GTF2H1: variants seen among roughly 807,000 people sequenced by gnomAD.
GTF2H1 encodes the protein BTF2 p62.
In GTF2H1, 16 loss-of-function variants were observed where a neutral mutation model predicts 71.2. The observed-to-expected ratio is 0.22, with a 90% confidence interval of 0.15 to 0.34. The LOEUF (loss-of-function observed/expected upper bound fraction) is 0.34, where lower values mean the gene tolerates loss of function less well. GTF2H1 is among the 10% of genes least tolerant of loss of function. The probability of loss-of-function intolerance (pLI) is 1.00; values close to 1 mark genes in which losing one functional copy is unlikely to be tolerated. For synonymous variants in GTF2H1, 215 were observed against 219.0 expected, an observed-to-expected ratio of 0.98 and a Z score of 0.16; for missense variants, 498 against 648.2, an observed-to-expected ratio of 0.77 and a Z score of 2.52.
At chr11:18,351,083 A>G (rs1262975186) in intron 9 of GTF2H1, among the ~76,000 whole-genome samples, 2 of 152,178 alleles carry the variant, frequency 1.3e-5, no homozygotes, top group African/African-American at 4.8e-5. Context: ...TAGATTCCCT[A>G]TTTTACTCCT....
intron 14 of GTF2H1, among the ~76,000 whole-genome samples, chr11:18,363,343 C>G (rs1050873658): frequency 6.6e-6 from 1 of 152,056 alleles, no homozygotes; most frequent in Non-Finnish European, 1.5e-5. Context: ...ACATGCTATA[C>G]TTTTATACAG....
intron 9 of GTF2H1, among the ~76,000 whole-genome samples, chr11:18,351,044 A>G (rs1865409029): frequency 6.6e-6 from 1 of 152,196 alleles, no homozygotes; most frequent in Non-Finnish European, 1.5e-5. Context: ...TGTTAGAAGC[A>G]CTGATTGATA....
chr11:18,359,301 G>A lies in GTF2H1; in HGVS notation c.1467+661G>A, dbSNP rs545947476. Among the ~76,000 whole-genome samples, 99 of 152,236 alleles carry A rather than the reference G, an allele frequency of 6.5e-4. 1 individual carries two copies. The highest frequency in any genetic ancestry group is 1.4e-3 in the Admixed American group (21 of 15,268). On this transcript the variant is annotated intron_variant, in intron 13 of 14. Coordinates refer to ENST00000265963, the MANE Select transcript of GTF2H1 (RefSeq NM_005316.4). ...ACACCTGTAATCCCAACACTTTGGC[G>A]GGGCTGAGGCGGGAGAATTGTTTGA... is the stretch of plus-strand genomic sequence containing the variant.
chr11:18,360,143 A>G (rs996283499), intron 13 of GTF2H1, among the ~76,000 whole-genome samples: 2 of 150,494 alleles, frequency 1.3e-5, no homozygotes, highest in Non-Finnish European at 3.0e-5. Flanking sequence ...TTGTTTTTTG[A>G]GATGGAGTCT....
At chr11:18,331,666 CAA>C (rs539656994) in intron 1 of GTF2H1, among the ~76,000 whole-genome samples, 1 of 146,456 alleles carries the variant, frequency 6.8e-6, no homozygotes, top group Admixed American at 6.8e-5. Flanking sequence ...AACTCCGTCT[CAA>C]AAAAAAAGAG....
intron 14 of GTF2H1, among the ~76,000 whole-genome samples, chr11:18,362,506 T>G (rs750408555): frequency 2.6e-5 from 4 of 152,128 alleles, no homozygotes; most frequent in African/African-American, 4.8e-5. Context: ...CTTTTAAATA[T>G]TTTTAAAGTT....
rs186419586 is a variant in GTF2H1 at position 18,329,887 on chromosome 11, A to G, written c.-15-3173A>G. On this transcript the variant is annotated intron_variant, in intron 1 of 14. Coordinates refer to ENST00000265963, the MANE Select transcript of GTF2H1 (RefSeq NM_005316.4). Reference sequence around the variant, plus strand: ...CATGTTAAGCAAAAAACTAGAGACAAAAGGAGTACATACTGTATGATTCCT... The same window carrying G: ...CATGTTAAGCAAAAAACTAGAGACAGAAGGAGTACATACTGTATGATTCCT... Among the ~76,000 whole-genome samples, 340 of 152,364 alleles carry G rather than the reference A, an allele frequency of 2.2e-3. 1 individual carries two copies. Among genetic ancestry groups the G allele is most frequent in the African/African-American group, 7.4e-3 (306 of 41,578 alleles).
At chr11:18,336,048 GT>G in intron 3 of GTF2H1, 102 bp downstream of exon 3, 1 of 819,720 alleles carries the variant, frequency 1.2e-6, no homozygotes, top group East Asian at 2.8e-5. Context: ...TTCGGTTTTG[GT>G]TTTGGTTTTT....
chr11:18,347,779 G>A (rs1226498227), intron 8 of GTF2H1, 53 bp from the exon 9 acceptor site: 2 of 1,595,878 alleles, frequency 1.3e-6, no homozygotes, highest in African/African-American at 2.7e-5. Context: ...GAGTTGTGGT[G>A]TTGTTTTGCT....
At chr11:18,327,988 A>C (rs956966272) in intron 1 of GTF2H1, among the ~76,000 whole-genome samples, 4 of 151,338 alleles carry the variant, frequency 2.6e-5, no homozygotes, top group African/African-American at 9.7e-5. Flanking sequence ...GCGGGGGATC[A>C]CTAGGTCAGT....
At chr11:18,356,163 C>A (rs1326014849) in intron 11 of GTF2H1, among the ~76,000 whole-genome samples, 1 of 152,042 alleles carries the variant, frequency 6.6e-6, no homozygotes. Context: ...GCACGCAGAT[C>A]ACTTGAGAGC....
chr11:18,337,886 T>C (rs1022296487), intron 3 of GTF2H1, among the ~76,000 whole-genome samples: 15 of 152,212 alleles, frequency 9.9e-5, no homozygotes, highest in Non-Finnish European at 1.8e-4. Flanking sequence ...ATCTTTCCTT[T>C]ACACCTACCT....
chr11:18,348,149 T>G (rs1189052077), intron 9 of GTF2H1: 1 of 580,294 alleles, frequency 1.7e-6, no homozygotes, highest in East Asian at 2.8e-5. Flanking sequence ...TTTTGTTTGT[T>G]TGTTTGTTTG....
intron 2 of GTF2H1, among the ~76,000 whole-genome samples, chr11:18,334,269 C>T (rs1590183805): frequency 6.6e-6 from 1 of 152,052 alleles, no homozygotes; most frequent in Non-Finnish European, 1.5e-5. Flanking sequence ...AGTCCCAGCT[C>T]CTCGGGAGCC....
At chr11:18,352,782 C>G (rs943351232) in intron 11 of GTF2H1, among the ~76,000 whole-genome samples, 1 of 152,186 alleles carries the variant, frequency 6.6e-6, no homozygotes, top group Non-Finnish European at 1.5e-5. Flanking sequence ...ATATGTAAAA[C>G]AGCTCATCAT....
intron 1 of GTF2H1, chr11:18,325,871 C>T (rs183993832): frequency 6.6e-6 from 1 of 152,302 alleles, no homozygotes; most frequent in African/African-American, 2.4e-5. Flanking sequence ...TTTAGTAAAG[C>T]GAGATCTTCA....
chr11:18,366,053 A>C lies in GTF2H1; in HGVS notation c.*184A>C. 1.7e-6 allele frequency: 1 copy of C among 588,504 alleles called. No homozygotes were observed. 36.5% of individuals were successfully genotyped at this position (588,504 alleles called of 1,614,324 possible). On this transcript the variant is annotated 3_prime_UTR_variant, in exon 15 of 15. Coordinates refer to ENST00000265963, the MANE Select transcript of GTF2H1 (RefSeq NM_005316.4). Reference sequence around the variant, plus strand: ...ATTGGAGACTGAAAGGAAAGAAGGGACTAAATGCTGGGGAGGTAAATTAAG... The same window carrying C: ...ATTGGAGACTGAAAGGAAAGAAGGGCCTAAATGCTGGGGAGGTAAATTAAG...
chr11:18,331,913 A>G (rs1317704446), intron 1 of GTF2H1, among the ~76,000 whole-genome samples: 1 of 152,162 alleles, frequency 6.6e-6, no homozygotes, highest in African/African-American at 2.4e-5. Flanking sequence ...AGGTTGGAGT[A>G]CGGTGTGGTG....
intron 1 of GTF2H1, among the ~76,000 whole-genome samples, chr11:18,330,170 A>G (rs1864861951): frequency 6.6e-6 from 1 of 152,236 alleles, no homozygotes; most frequent in African/African-American, 2.4e-5. Context: ...TGGCTTTTTA[A>G]AAATTCTGTG....
Sources: allele counts gnomAD v4.1 joint callset (sites outside exome capture counted in the v4.1 genomes callset), GRCh38; gene constraint gnomAD v4.1.1; transcripts MANE v1.5; gene names NCBI Gene and HGNC (gene_info 2026-07-23, HGNC 2026-07-21).